DDX27: variants seen among roughly 807,000 people sequenced by gnomAD.
The protein encoded by DDX27 is probable ATP-dependent RNA helicase DDX27.
Under a neutral mutation model 99.3 loss-of-function variants are expected in DDX27, and 42 were observed. That is an observed-to-expected ratio of 0.42 (90% CI 0.33 to 0.55). The LOEUF (loss-of-function observed/expected upper bound fraction) is 0.55. DDX27 is among the 20% of genes least tolerant of loss of function. The pLI, the probability that DDX27 is intolerant of heterozygous loss-of-function variation, is 0.07. For synonymous variants in DDX27, 329 were observed against 353.8 expected, an observed-to-expected ratio of 0.93 and a Z score of 0.79; for missense variants, 798 against 976.8, an observed-to-expected ratio of 0.82 and a Z score of 2.44.
chr20:49,234,761 C>A (rs189184960), intron 11 of DDX27, 174 bp from the exon 12 acceptor site: 4 of 650,180 alleles, frequency 6.2e-6, no homozygotes, highest in Non-Finnish European at 9.6e-6. Flanking sequence ...GCATTTTTCA[C>A]CCCCCAGGAA....
At chr20:49,226,815 A>G (rs966893509) in intron 7 of DDX27, among the ~76,000 whole-genome samples, 67 of 150,162 alleles carry the variant, frequency 4.5e-4, no homozygotes, top group African/African-American at 1.5e-3. Context: ...AAATTTTTGT[A>G]ACACAAAAAA....
intron 2 of DDX27, among the ~76,000 whole-genome samples, chr20:49,221,877 G>A (rs1979701251): frequency 1.4e-5 from 2 of 147,262 alleles, no homozygotes; most frequent in African/African-American, 5.0e-5. Context: ...CAAAGTATGA[G>A]CACTTGCCAG....
At chr20:49,238,327 A>T (rs1031045059) in intron 14 of DDX27, 2 of 151,754 alleles carry the variant, frequency 1.3e-5, no homozygotes, top group African/African-American at 4.9e-5. Flanking sequence ...GTTTAAGATA[A>T]GGTCTTGCTT....
Position 49,243,988 on chromosome 20 carries a change from T to G in DDX27, c.*154T>G. The G allele has an allele frequency of 1.3e-6, 1 of 797,074 alleles. No individual in the cohort carries two copies. The highest frequency in any genetic ancestry group is 1.7e-5 in the South Asian group (1 of 57,232). 49.4% of individuals were successfully genotyped at this position (797,074 alleles called of 1,614,324 possible). A position where few individuals can be genotyped will look rare whatever the true frequency, so the allele number is the denominator to read the frequency against. ...GTGGTGGTATGGTACGTAGCTATTT[T>G]CCTAAGCATGTCTGTCAATCTCCCT... On this transcript the variant is annotated 3_prime_UTR_variant, in exon 21 of 21. Transcript: ENST00000618172.
chr20:49,237,304 G>A (rs1980338377), intron 14 of DDX27, among the ~76,000 whole-genome samples: 1 of 152,176 alleles, frequency 6.6e-6, no homozygotes, highest in Admixed American at 6.5e-5. Context: ...ACTGCAGCCT[G>A]GGCAAAAGTG....
At chr20:49,222,928 C>T (rs755455403) in intron 2 of DDX27, 29 bp from the exon 3 acceptor site, 5 of 1,563,212 alleles carry the variant, frequency 3.2e-6, no homozygotes, top group Admixed American at 4.0e-5. Context: ...ATGAAAATTT[C>T]TTTTTCACCT....
At chr20:49,227,639 A>T (rs1357510068) in intron 7 of DDX27, among the ~76,000 whole-genome samples, 1 of 151,604 alleles carries the variant, frequency 6.6e-6, no homozygotes, top group East Asian at 1.9e-4. Flanking sequence ...GAGTGCTGGG[A>T]TTTACAGGTG....
chr20:49,234,127 G>C (rs1221018670), intron 11 of DDX27: 1 of 163,550 alleles, frequency 6.1e-6, no homozygotes, highest in Non-Finnish European at 1.3e-5. Context: ...TGAACACCCT[G>C]CGGTGGCTTC....
Position 49,243,856 on chromosome 20 carries a change from C to T in DDX27, c.*22C>T. On this transcript the variant is annotated 3_prime_UTR_variant, in exon 21 of 21. Transcript: ENST00000618172. ...GTAGCTGTCGTGGCCTGAAGAAATT[C>T]ATGGGGGCAGCCCTTAAATCCCTTC... The T allele has an allele frequency of 1.2e-6, 2 of 1,613,978 alleles. No individual in the cohort carries two copies. Among genetic ancestry groups the T allele is most frequent in the Middle Eastern group, 1.7e-4 (1 of 6,056 alleles).
At chr20:49,226,164 C>T (rs567963430) in intron 6 of DDX27, among the ~76,000 whole-genome samples, 4 of 152,318 alleles carry the variant, frequency 2.6e-5, no homozygotes, top group Admixed American at 1.3e-4. Context: ...CGCAGCATCT[C>T]TCCATATGAC....
At chr20:49,228,913 A>G (rs776303545) in intron 8 of DDX27, 25 bp downstream of exon 8, 1 of 1,556,254 alleles carries the variant, frequency 6.4e-7, no homozygotes, top group South Asian at 1.2e-5. Context: ...AAGGGCTGCC[A>G]GCCCCTGAGA....
intron 2 of DDX27, 116 bp downstream of exon 2, chr20:49,221,714 A>G: frequency 1.2e-6 from 1 of 810,176 alleles, no homozygotes; most frequent in Non-Finnish European, 1.8e-6. Flanking sequence ...AGATACTACA[A>G]CTCCTTTGAA....
At position 49,236,268 on chromosome 20, in the gene DDX27, A is replaced by T; in HGVS notation, c.1509+37A>T. On this transcript the variant is annotated intron_variant, in intron 13 of 20. Coordinates refer to ENST00000618172, the MANE Select transcript of DDX27 (RefSeq NM_017895.8). This position sits in a 1 kb window ranked among gnomAD's most constrained non-coding sequence, Gnocchi z 4.1. ...CTATCTTCCTTGGACTTTTGGTGGA[A>T]GTCTTTTTGCCTCTTCGCACCCCCC... The T allele has an allele frequency of 6.3e-7, 1 of 1,577,706 alleles. No homozygotes were observed. Among genetic ancestry groups the T allele is most frequent in the Non-Finnish European group, 8.6e-7 (1 of 1,160,438 alleles).
At chr20:49,235,214 T>TG in intron 12 of DDX27, 126 bp downstream of exon 12, 1 of 1,175,388 alleles carries the variant, frequency 8.5e-7, no homozygotes, top group Non-Finnish European at 1.2e-6. Flanking sequence ...ATCTTGGCCT[T>TG]GAACATTTTA....
rs35354294 is a variant in DDX27, at chr20:49,227,838, A to ATT, written c.707-858_707-857dup. On this transcript the variant is annotated intron_variant, in intron 7 of 20. Transcript: ENST00000618172. ...TGGCCCTGCCATATCAGAGGAGGAA[A>ATT]TTTTTTTTTTTTTTTTTTTTGAGAC... 1.0e-3 allele frequency among the ~76,000 whole-genome samples: 131 copies of ATT among 125,822 alleles called. 2 individuals carry two copies. The highest frequency in any genetic ancestry group is 3.3e-3 in the African/African-American group (114 of 34,158). The allele number at this position is 125,822 out of a possible 152,430, so 82.5% of individuals were successfully genotyped here. A position where few individuals can be genotyped will look rare whatever the true frequency, so the allele number is the denominator to read the frequency against.
At chr20:49,230,057 C>T in intron 8 of DDX27, 142 bp from the exon 9 acceptor site, 1 of 887,464 alleles carries the variant, frequency 1.1e-6, no homozygotes, top group South Asian at 1.9e-5. Flanking sequence ...TCTGGGAAAC[C>T]CATGTGCTTG....
At chr20:49,222,917 A>G (rs569200872) in intron 2 of DDX27, 40 bp from the exon 3 acceptor site, 82 of 1,531,190 alleles carry the variant, frequency 5.4e-5, no homozygotes, top group Non-Finnish European at 6.6e-5. Flanking sequence ...TCGATGTTTC[A>G]ATGAAAATTT....
chr20:49,220,871 C>T (rs572339968), intron 1 of DDX27, among the ~76,000 whole-genome samples: 1 of 152,350 alleles, frequency 6.6e-6, no homozygotes, highest in East Asian at 1.9e-4. Context: ...CCTGCTTTCA[C>T]GTGGCTTTCA....
intron 7 of DDX27, 76 bp from the exon 8 acceptor site, chr20:49,228,639 C>A (rs1979985004): frequency 8.1e-6 from 11 of 1,351,770 alleles, no homozygotes; most frequent in Non-Finnish European, 1.1e-5. Context: ...CGTAGTTTTT[C>A]TGTGCTCTGG....
Sources: gnomAD v4.1 joint callset for allele counts (sites outside exome capture counted in the v4.1 genomes callset) on GRCh38, gnomAD v4.1.1 for gene constraint, Gnocchi (gnomAD v3.1) non-coding constraint, MANE v1.5 for transcripts, NCBI Gene and HGNC (gene_info 2026-07-23, HGNC 2026-07-21) for gene names.